ZYG11B: variants seen among roughly 807,000 people sequenced by gnomAD.
The protein encoded by ZYG11B is protein zyg-11 homolog B.
In ZYG11B, 36 loss-of-function variants were observed where a neutral mutation model predicts 82.4. The observed-to-expected ratio is 0.44, with a 90% CI of 0.33 to 0.58. The LOEUF (loss-of-function observed/expected upper bound fraction) is 0.58. Ranked by LOEUF, ZYG11B falls within the 20% of genes least tolerant of loss-of-function variation. The pLI is 0.02. For synonymous variants in ZYG11B, 303 were observed against 312.8 expected, an observed-to-expected ratio of 0.97 and a Z score of 0.33; for missense variants, 552 against 895.6, an observed-to-expected ratio of 0.62 and a Z score of 4.90.
rs1026812837 is a variant in ZYG11B at position 52,822,564 on chromosome 1, G to A, written c.*935G>A. The A allele has an allele frequency of 6.6e-6, 1 of 152,184 alleles. No homozygotes were observed. Among genetic ancestry groups the A allele is most frequent in the African/African-American group, 2.4e-5 (1 of 41,436 alleles). The allele number at this position is 152,184 out of a possible 1,614,324, so 9.4% of individuals were successfully genotyped here. ...AGTGGAATAGAGACAGCAACATGGTGTTAACCTCTCAATTAAAATACAATT... is the reference window on the plus strand; with the variant it reads ...AGTGGAATAGAGACAGCAACATGGTATTAACCTCTCAATTAAAATACAATT... On this transcript the variant is annotated 3_prime_UTR_variant, in exon 14 of 14. Coordinates refer to ENST00000294353, the MANE Select transcript of ZYG11B (RefSeq NM_024646.3).
chr1:52,791,845 G>T lies in ZYG11B; in HGVS notation c.1334+1778G>T, dbSNP rs1158732075. ...TTTATTTTGGGAATATTGAACCTCTGTGCTCATCATCGTAACAAAGTCTAA... is the reference window on the plus strand; with the variant it reads ...TTTATTTTGGGAATATTGAACCTCTTTGCTCATCATCGTAACAAAGTCTAA... On this transcript the variant is annotated intron_variant, in intron 6 of 13. Transcript: ENST00000294353. Among the ~76,000 whole-genome samples, 4 of 152,114 alleles carry T rather than the reference G, an allele frequency of 2.6e-5. No homozygotes were observed. The East Asian group carries it at 7.7e-4, about 29-fold the overall frequency.
At chr1:52,730,747 A>G (rs2149916137) in intron 1 of ZYG11B, among the ~76,000 whole-genome samples, 1 of 151,942 alleles carries the variant, frequency 6.6e-6, no homozygotes, top group African/African-American at 2.4e-5. Flanking sequence ...CTAAAGCCTG[A>G]GGTGGGAGGC....
chr1:52,765,440 A>G (rs1644673970), intron 2 of ZYG11B, among the ~76,000 whole-genome samples: 1 of 151,946 alleles, frequency 6.6e-6, no homozygotes, highest in Admixed American at 6.6e-5. Flanking sequence ...CCCTGGGCTC[A>G]AAGCAGTCCT....
chr1:52,756,694 G>C, intron 2 of ZYG11B, 71 bp downstream of exon 2: 1 of 1,443,032 alleles, frequency 6.9e-7, no homozygotes, highest in Non-Finnish European at 9.4e-7. Context: ...TGCTACAGTA[G>C]CCATTTAATT....
At chr1:52,774,136 A>AC in intron 3 of ZYG11B, among the ~76,000 whole-genome samples, 1 of 110,470 alleles carries the variant, frequency 9.1e-6, no homozygotes, top group East Asian at 3.3e-4. Context: ...TTTTACAATA[A>AC]CTTTTTTTTT....
At chr1:52,796,586 G>T in intron 7 of ZYG11B, 148 bp from the exon 8 acceptor site, 1 of 822,160 alleles carries the variant, frequency 1.2e-6, no homozygotes, top group Non-Finnish European at 1.8e-6. Flanking sequence ...TTGGGAGGCC[G>T]AGGCAGGCCT....
At chr1:52,816,972 A>ATTT (rs113648856) in intron 13 of ZYG11B, among the ~76,000 whole-genome samples, 2 of 148,930 alleles carry the variant, frequency 1.3e-5, no homozygotes, top group East Asian at 3.9e-4. Context: ...TATTATTATT[A>ATTT]TTTTTTTTTA....
intron 1 of ZYG11B, among the ~76,000 whole-genome samples, chr1:52,736,641 T>A (rs551664572): frequency 3.3e-5 from 5 of 152,118 alleles, no homozygotes; most frequent in Non-Finnish European, 7.4e-5. Flanking sequence ...TTAGTAGAGA[T>A]GAGGTTTCAC....
At chr1:52,803,538 T>TA (rs971182299) in intron 10 of ZYG11B, among the ~76,000 whole-genome samples, 27 of 151,576 alleles carry the variant, frequency 1.8e-4, no homozygotes, top group Non-Finnish European at 3.7e-4. Flanking sequence ...AAAAATATAA[T>TA]ACGCATATGC....
intron 5 of ZYG11B, among the ~76,000 whole-genome samples, chr1:52,789,587 G>A (rs983951836): frequency 2.6e-5 from 4 of 152,084 alleles, no homozygotes; most frequent in African/African-American, 7.2e-5. Context: ...TTAGAGGCCA[G>A]TGTGTAGAAC....
At chr1:52,808,023 G>T (rs78570220) in intron 10 of ZYG11B, among the ~76,000 whole-genome samples, 4,049 of 152,100 alleles carry the variant, frequency 0.027, 144 homozygotes, top group East Asian at 0.18. Context: ...CATTATCTTT[G>T]TACTTATGTA....
chr1:52,741,056 G>A (rs1193795040), intron 1 of ZYG11B, among the ~76,000 whole-genome samples: 1 of 151,822 alleles, frequency 6.6e-6, no homozygotes, highest in Non-Finnish European at 1.5e-5. Flanking sequence ...CCAGCACTTT[G>A]GGAGGCCGAG....
chr1:52,800,118 A>G (rs771750829), intron 8 of ZYG11B, among the ~76,000 whole-genome samples: 4 of 151,938 alleles, frequency 2.6e-5, no homozygotes, highest in Admixed American at 6.6e-5. Context: ...TCTAATAAAA[A>G]AAAAAAAATT....
chr1:52,810,924 A>G lies in ZYG11B; in HGVS notation c.1696-2612A>G, dbSNP rs12564066. Among the ~76,000 whole-genome samples, 41 of 151,694 alleles carry G rather than the reference A, an allele frequency of 2.7e-4. No homozygotes were observed. In the East Asian group the frequency reaches 8.0e-3, roughly 29 times the overall value. ...GTGGTGGCTGCCTGTAATCCCAACT[A>G]CTCAGAGGCTGAGGCAGGAGAATCA... On this transcript the variant is annotated intron_variant, in intron 10 of 13. Coordinates refer to ENST00000294353, the MANE Select transcript of ZYG11B (RefSeq NM_024646.3).
intron 1 of ZYG11B, among the ~76,000 whole-genome samples, chr1:52,737,861 GA>G: frequency 6.6e-6 from 1 of 152,240 alleles, no homozygotes; most frequent in Non-Finnish European, 1.5e-5. Flanking sequence ...TGTGATAGAT[GA>G]AAAAAATTGA....
In ZYG11B at chr1:52,754,032, C is replaced by CT. The variant is rs199603408; in HGVS notation, c.31-2415dup. 2.1e-3 allele frequency among the ~76,000 whole-genome samples: 296 copies of CT among 144,124 alleles called. 5 individuals carry two copies. In the South Asian group the frequency reaches 0.034, roughly 17 times the overall value. 94.6% of individuals were successfully genotyped at this position (144,124 alleles called of 152,430 possible). On this transcript the variant is annotated intron_variant, in intron 1 of 13. Transcript: ENST00000294353. ...AGCCACTGTGCCTGGCCCCCTTTGC[C>CT]TTTTTTTTTTTGAGATGGAGTCTGG...
At chr1:52,813,257 G>A (rs892555709) in intron 10 of ZYG11B, among the ~76,000 whole-genome samples, 4 of 152,114 alleles carry the variant, frequency 2.6e-5, no homozygotes, top group African/African-American at 9.7e-5. Context: ...CTGTCTCTGA[G>A]TGTGGAGCTT....
At position 52,743,678 on chromosome 1, in the gene ZYG11B, C is replaced by T. The variant is rs367908702; in HGVS notation, c.31-12780C>T. Among the ~76,000 whole-genome samples the T allele has an allele frequency of 8.5e-5, 13 of 152,196 alleles. No homozygotes were observed. In the East Asian group the frequency reaches 1.5e-3, roughly 18 times the overall value. ...ACTGCAGTGAGCTATGATCACACTA[C>T]TGTACTCCAGCCTGGGTGATAGATT... On this transcript the variant is annotated intron_variant, in intron 1 of 13. Transcript: ENST00000294353.
chr1:52,781,335 C>CA (rs1644854110), intron 4 of ZYG11B, among the ~76,000 whole-genome samples: 1 of 152,024 alleles, frequency 6.6e-6, no homozygotes, highest in African/African-American at 2.4e-5. Context: ...CCCATCTCTA[C>CA]AAAAATTACA....
Sources: gnomAD v4.1 joint callset for allele counts (sites outside exome capture counted in the v4.1 genomes callset) on GRCh38, gnomAD v4.1.1 for gene constraint, MANE v1.5 for transcripts, NCBI Gene and HGNC (gene_info 2026-07-23, HGNC 2026-07-21) for gene names.